The following ADAMTS19 variants were observed in gnomAD, a reference collection of about 807,000 sequenced individuals.
ADAMTS19 encodes ADAM metallopeptidase with thrombospondin type 1 motif 19.
A neutral mutation model predicts 153.3 loss-of-function variants in ADAMTS19; 93 were observed. The observed-to-expected ratio is 0.61, with a 90% confidence interval of 0.51 to 0.72. The LOEUF (loss-of-function observed/expected upper bound fraction) is 0.72, where lower values mean the gene tolerates loss of function less well. ADAMTS19 is among the 30% of genes least tolerant of loss of function. ADAMTS19 has a pLI of 0.00. For missense variants in ADAMTS19, 1,482 were observed against 1,552.1 expected, an observed-to-expected ratio of 0.95 and a Z score of 0.76; for synonymous variants, 600 against 556.6, an observed-to-expected ratio of 1.08 and a Z score of -1.10.
chr5:129,642,783 C>T (rs3853511), intron 11 of ADAMTS19, among the ~76,000 whole-genome samples: 13,133 of 152,088 alleles, frequency 0.086, 641 homozygotes, highest in African/African-American at 0.1. Flanking sequence ...TTGAAGAAAA[C>T]ATGAAATTAG....
intron 15 of ADAMTS19, among the ~76,000 whole-genome samples, chr5:129,662,024 T>C (rs1753835794): frequency 1.3e-5 from 2 of 152,314 alleles, no homozygotes; most frequent in South Asian, 2.1e-4. Context: ...TGTTGGAAAG[T>C]GTTTTTTTCC....
At chr5:129,644,300 C>T (rs563169076) in intron 11 of ADAMTS19, among the ~76,000 whole-genome samples, 10 of 152,282 alleles carry the variant, frequency 6.6e-5, no homozygotes, top group Admixed American at 5.9e-4. Context: ...TAGAAGCCAT[C>T]GTGAAAATAG....
At chr5:129,533,805 C>T (rs575323810) in intron 6 of ADAMTS19, among the ~76,000 whole-genome samples, 313 of 151,966 alleles carry the variant, frequency 2.1e-3, no homozygotes, top group African/African-American at 6.7e-3. Flanking sequence ...TCTTTGTTCT[C>T]GTTGGTTGCA....
chr5:129,704,459 A>G, intron 21 of ADAMTS19, 68 bp downstream of exon 21: 1 of 1,533,752 alleles, frequency 6.5e-7, no homozygotes, highest in Non-Finnish European at 8.8e-7. Context: ...GGGTACTATA[A>G]CCACATAGCA....
intron 7 of ADAMTS19, among the ~76,000 whole-genome samples, chr5:129,586,709 G>A (rs1749817935): frequency 6.6e-6 from 1 of 152,108 alleles, no homozygotes; most frequent in African/African-American, 2.4e-5. Flanking sequence ...AGTATGTTTA[G>A]TTTTATAAGC....
chr5:129,609,220 G>A (rs1352620910), intron 8 of ADAMTS19, among the ~76,000 whole-genome samples: 1 of 152,122 alleles, frequency 6.6e-6, no homozygotes, highest in East Asian at 1.9e-4. Context: ...ATACAGCCTT[G>A]GGCTTGAATT....
At chr5:129,729,701 C>A (rs1205016197) in intron 21 of ADAMTS19, among the ~76,000 whole-genome samples, 1 of 151,898 alleles carries the variant, frequency 6.6e-6, no homozygotes, top group African/African-American at 2.4e-5. Flanking sequence ...TTCTTAGACC[C>A]CAAAATTTTA....
At chr5:129,489,674 G>A (rs565976242) in intron 2 of ADAMTS19, among the ~76,000 whole-genome samples, 1 of 152,180 alleles carries the variant, frequency 6.6e-6, no homozygotes, top group South Asian at 2.1e-4. Context: ...AAAATGAAAG[G>A]CCAGAGCAAA....
At position 129,678,860 on chromosome 5, in the gene ADAMTS19, G is replaced by A. The variant is rs531529999; in HGVS notation, c.2507-904G>A. ...GGAGATTAGCCTAAATAACTAGCAG[G>A]ATTTATTGGCTTAAGTTATCAAAAT... On this transcript the variant is annotated intron_variant, in intron 16 of 22. Transcript: ENST00000274487. Among the ~76,000 whole-genome samples the A allele has an allele frequency of 1.8e-4, 27 of 149,366 alleles. No individual in the cohort carries two copies. The South Asian group carries it at 5.8e-3, about 32-fold the overall frequency.
Position 129,461,198 on chromosome 5 carries a change from G to A in ADAMTS19, c.188G>A (p.Ser63Asn). The A allele has an allele frequency of 2.3e-6, 3 of 1,328,078 alleles. No individual in the cohort carries two copies. The highest frequency in any genetic ancestry group is 2.9e-6 in the Non-Finnish European group (3 of 1,041,700). The allele number at this position is 1,328,078 out of a possible 1,614,324, so 82.3% of individuals were successfully genotyped here. Residue 63 changes from serine (S) to asparagine (N), a missense_variant, in exon 2 of 23, where the codon AGC becomes AAC. By Grantham distance (46) the Ser-to-Asn change is conservative. Coordinates refer to ENST00000274487, the MANE Select transcript of ADAMTS19 (RefSeq NM_133638.6). The surrounding 1 kb of genome is among the most constrained non-coding windows in gnomAD (Gnocchi z 4.6). ...GACCCGGCTGGCGGCAGCGGGGGCAGCGCGGACCCGGGCTGGGTGCGCGGC... is the reference window on the plus strand; with the variant it reads ...GACCCGGCTGGCGGCAGCGGGGGCAACGCGGACCCGGGCTGGGTGCGCGGC... ...PVDPAGGSGG[S>N]ADPGWVRGVG... is the part of the protein sequence containing the mutation.
At chr5:129,533,793 T>C (rs1434467435) in intron 6 of ADAMTS19, among the ~76,000 whole-genome samples, 1 of 152,186 alleles carries the variant, frequency 6.6e-6, no homozygotes, top group Non-Finnish European at 1.5e-5. Context: ...TGGTATGTTG[T>C]GTCTTTGTTC....
chr5:129,526,213 A>G (rs1455471211), intron 3 of ADAMTS19, 71 bp from the exon 4 acceptor site: 11 of 1,327,130 alleles, frequency 8.3e-6, no homozygotes, highest in Non-Finnish European at 1.0e-5. Flanking sequence ...TTTGCTCATT[A>G]TTAAATATGT....
Position 129,701,392 on chromosome 5 carries a change from A to G in ADAMTS19, c.2959A>G (p.Met987Val), listed in dbSNP as rs1422720456. 4 of 1,614,058 alleles carry G rather than the reference A, an allele frequency of 2.5e-6. No homozygotes were observed. The highest frequency in any genetic ancestry group is 3.4e-6 in the Non-Finnish European group (4 of 1,180,042). The change falls in exon 20 of 23, where the codon ATG becomes GTG. Residue 987 changes from methionine to valine, a missense_variant. Around this residue, in one of 2 missense-constraint regions of ADAMTS19, gnomAD observed 616 missense variants for 724.4 expected, o/e 0.85. Coordinates refer to ENST00000274487, the MANE Select transcript of ADAMTS19 (RefSeq NM_133638.6). Reference sequence around the variant, plus strand: ...TGACTCTTGCTTTACTTTCAGGTGGATGATGACAGAATGGACCCCTTGTTC... The same window carrying G: ...TGACTCTTGCTTTACTTTCAGGTGGGTGATGACAGAATGGACCCCTTGTTC... ...CNEQPCQTRW[M>V]MTEWTPCSRT...
intron 3 of ADAMTS19, 73 bp from the exon 4 acceptor site, chr5:129,526,211 T>C: frequency 7.7e-7 from 1 of 1,300,284 alleles, no homozygotes; most frequent in Non-Finnish European, 1.0e-6. Flanking sequence ...GGTTTGCTCA[T>C]TATTAAATAT....
At chr5:129,687,561 T>A (rs1478158503) in intron 18 of ADAMTS19, among the ~76,000 whole-genome samples, 4 of 152,152 alleles carry the variant, frequency 2.6e-5, no homozygotes, top group Admixed American at 2.0e-4. Flanking sequence ...GACTATAAAT[T>A]TTTTTTGTTT....
intron 21 of ADAMTS19, among the ~76,000 whole-genome samples, chr5:129,706,326 T>C (rs558666601): frequency 8.5e-5 from 13 of 152,270 alleles, no homozygotes; most frequent in African/African-American, 3.1e-4. Flanking sequence ...TCCCAGCATT[T>C]TGGGAGGCCA....
chr5:129,522,326 C>CATATATAT (rs1561549553), intron 3 of ADAMTS19, among the ~76,000 whole-genome samples: 1 of 86,560 alleles, frequency 1.2e-5, no homozygotes, highest in Non-Finnish European at 2.1e-5. Context: ...TACACACACA[C>CATATATAT]ACACACATAT....
intron 2 of ADAMTS19, among the ~76,000 whole-genome samples, chr5:129,490,160 T>C (rs1750720912): frequency 6.6e-6 from 1 of 152,160 alleles, no homozygotes. Context: ...GGCTGAGCAG[T>C]TGAATGAAGT....
chr5:129,531,881 C>A (rs181641433), intron 6 of ADAMTS19, among the ~76,000 whole-genome samples: 3 of 152,100 alleles, frequency 2.0e-5, no homozygotes, highest in Admixed American at 2.0e-4. Context: ...AATAAAGCTA[C>A]CAACATAATT....
Sources: gnomAD v4.1 joint callset for allele counts (sites outside exome capture counted in the v4.1 genomes callset) on GRCh38, gnomAD v4.1.1 for gene constraint, gnomAD v4.1.1 regional missense constraint, Gnocchi (gnomAD v3.1) non-coding constraint, MANE v1.5 for transcripts, NCBI Gene and HGNC (gene_info 2026-07-23, HGNC 2026-07-21) for gene names.